NTRK3: variants seen among roughly 807,000 people sequenced by gnomAD.
NTRK3 encodes the protein neurotrophic receptor tyrosine kinase 3.
Under a neutral mutation model 91.7 loss-of-function variants are expected in NTRK3, and 24 were observed. The ratio of observed to expected loss-of-function variants is 0.26; its 90% CI spans 0.19 to 0.37. NTRK3 has a LOEUF of 0.37. Ranked by LOEUF, NTRK3 falls within the 10% of genes least tolerant of loss-of-function variation. The pLI, the probability that NTRK3 is intolerant of heterozygous loss-of-function variation, is 1.00. For synonymous variants in NTRK3, 483 were observed against 404.0 expected (o/e 1.20, Z -2.34); for missense variants, 880 against 1,068.9 (o/e 0.82, Z 2.46).
chr15:88,053,337 C>T (rs936913171), intron 13 of NTRK3, among the ~76,000 whole-genome samples: 1 of 152,192 alleles, frequency 6.6e-6, no homozygotes, highest in South Asian at 2.1e-4. Flanking sequence ...ACTTAATAGC[C>T]AAGGCCGGAG....
chr15:87,929,385 C>T (rs773928913), exon 17 of NTRK3: 9 of 1,614,102 alleles, frequency 5.6e-6, no homozygotes, highest in Non-Finnish European at 7.6e-6. Flanking sequence ...TCACCCTTGG[C>T]CTGGCGTGGC....
chr15:88,006,717 G>A (rs980391755), intron 14 of NTRK3, among the ~76,000 whole-genome samples: 7 of 152,198 alleles, frequency 4.6e-5, no homozygotes, highest in Non-Finnish European at 8.8e-5. Context: ...AGGTTTGTGG[G>A]AAAGCACACA....
intron 17 of NTRK3, among the ~76,000 whole-genome samples, chr15:87,894,178 T>C (rs3784443): frequency 0.74 from 112,071 of 152,150 alleles, 41,366 homozygotes; most frequent in Non-Finnish European, 0.75. Context: ...GTTTCCCACA[T>C]GCCCCAGTGG....
At chr15:88,036,490 C>CT (rs2079083451) in intron 13 of NTRK3, among the ~76,000 whole-genome samples, 1 of 151,958 alleles carries the variant, frequency 6.6e-6, no homozygotes, top group Non-Finnish European at 1.5e-5. Flanking sequence ...AAAAATTTGC[C>CT]TTGCTTGTCC....
At chr15:88,053,323 C>T (rs1382057499) in intron 13 of NTRK3, among the ~76,000 whole-genome samples, 2 of 152,158 alleles carry the variant, frequency 1.3e-5, no homozygotes, top group African/African-American at 4.8e-5. Context: ...TGTGTGGAGG[C>T]TCCACTTAAT....
intron 6 of NTRK3, among the ~76,000 whole-genome samples, chr15:88,145,985 T>C (rs1249600409): frequency 1.3e-5 from 2 of 152,194 alleles, no homozygotes; most frequent in Non-Finnish European, 2.9e-5. Flanking sequence ...TTAAACAGTA[T>C]ACTTAACCTT....
At chr15:88,048,060 T>C (rs1048273030) in intron 13 of NTRK3, among the ~76,000 whole-genome samples, 1 of 152,174 alleles carries the variant, frequency 6.6e-6, no homozygotes, top group Non-Finnish European at 1.5e-5. Flanking sequence ...ATATAGGACA[T>C]TGTCCTTCTT....
intron 5 of NTRK3, among the ~76,000 whole-genome samples, chr15:88,179,243 G>T (rs556504978): frequency 6.6e-6 from 1 of 152,150 alleles, no homozygotes; most frequent in South Asian, 2.1e-4. Flanking sequence ...TCTAAACATA[G>T]TAATGACTAG....
intron 3 of NTRK3, among the ~76,000 whole-genome samples, chr15:88,236,364 T>C (rs2051736118): frequency 6.6e-6 from 1 of 151,646 alleles, no homozygotes; most frequent in South Asian, 2.1e-4. Context: ...GAAGGAAAAG[T>C]CATCTATTGT....
chr15:88,116,383 G>A (rs1339587327), intron 13 of NTRK3, among the ~76,000 whole-genome samples: 2 of 151,668 alleles, frequency 1.3e-5, no homozygotes, highest in South Asian at 2.1e-4. Context: ...TCAGGAGTTC[G>A]AGATCAGCCT....
chr15:87,950,143 A>G (rs1296282816), intron 14 of NTRK3, among the ~76,000 whole-genome samples: 2 of 152,182 alleles, frequency 1.3e-5, no homozygotes, highest in Non-Finnish European at 2.9e-5. Context: ...GCAGAGCACA[A>G]TGTGCTAAAG....
chr15:88,009,268 T>A (rs1451174562), intron 14 of NTRK3, among the ~76,000 whole-genome samples: 3 of 152,204 alleles, frequency 2.0e-5, no homozygotes, highest in Non-Finnish European at 2.9e-5. Flanking sequence ...TGCATTTATT[T>A]CCTTTATTCC....
At chr15:88,164,897 G>C (rs2044787126) in intron 5 of NTRK3, among the ~76,000 whole-genome samples, 1 of 152,148 alleles carries the variant, frequency 6.6e-6, no homozygotes, top group Admixed American at 6.5e-5. Context: ...GGGAAATGCA[G>C]TGTTCATGCC....
In NTRK3 at chr15:88,240,042, C is replaced by T. The variant is rs1333485476; in HGVS notation, c.248+15864G>A. On this transcript the variant is annotated intron_variant, in intron 3 of 18. Coordinates refer to ENST00000394480, the Ensembl canonical transcript of NTRK3. This position sits in a 1 kb window ranked among gnomAD's most constrained non-coding sequence, Gnocchi z 4.9. ...CCAGAACACACATATACACACACAG[C>T]GACACACACAGACACACACACACAC... 4.0e-5 allele frequency among the ~76,000 whole-genome samples: 6 copies of T among 151,724 alleles called. No individual in the cohort carries two copies. The highest frequency in any genetic ancestry group is 3.4e-3 in the Middle Eastern group (1 of 294).
chr15:88,174,527 C>T (rs1010239240), intron 5 of NTRK3, among the ~76,000 whole-genome samples: 2 of 152,140 alleles, frequency 1.3e-5, no homozygotes, highest in African/African-American at 4.8e-5. Context: ...AATCCTATTC[C>T]GTGGACAAAT....
intron 14 of NTRK3, among the ~76,000 whole-genome samples, chr15:87,998,329 T>C (rs1184229967): frequency 6.6e-6 from 1 of 152,256 alleles, no homozygotes; most frequent in South Asian, 2.1e-4. Context: ...ATACTGATGC[T>C]GCTCCTAAAA....
chr15:88,167,905 A>G (rs2045137291), intron 5 of NTRK3, among the ~76,000 whole-genome samples: 1 of 152,210 alleles, frequency 6.6e-6, no homozygotes, highest in African/African-American at 2.4e-5. Context: ...GAAAGGCCTA[A>G]TATTTGTAAG....
intron 10 of NTRK3, among the ~76,000 whole-genome samples, chr15:88,130,712 G>A (rs907976299): frequency 3.9e-5 from 6 of 152,152 alleles, no homozygotes; most frequent in Non-Finnish European, 7.4e-5. Context: ...TAGTATTCTT[G>A]CAAAGTTCCA....
chr15:88,156,152 T>C (rs994716793), intron 5 of NTRK3, among the ~76,000 whole-genome samples: 9 of 152,316 alleles, frequency 5.9e-5, no homozygotes, highest in African/African-American at 2.2e-4. Flanking sequence ...TCACATAGTT[T>C]GTTTTATGAG....
Sources: allele counts gnomAD v4.1 joint callset (sites outside exome capture counted in the v4.1 genomes callset), GRCh38; gene constraint gnomAD v4.1.1; non-coding constraint Gnocchi (gnomAD v3.1); transcripts MANE v1.5; gene names NCBI Gene and HGNC (gene_info 2026-07-23, HGNC 2026-07-21).